Variants in PCDH9 observed in about 807,000 individuals in gnomAD.
The protein encoded by PCDH9 is protocadherin-9.
In PCDH9, 24 loss-of-function variants were observed where a neutral mutation model predicts 70.6. The observed-to-expected ratio is 0.34, with a 90% CI of 0.25 to 0.48. The LOEUF is 0.48. PCDH9 is among the 20% of genes least tolerant of loss of function. PCDH9 has a pLI of 0.99. For synonymous variants in PCDH9, 562 were observed against 558.5 expected, an observed-to-expected ratio of 1.01 and a Z score of -0.09; for missense variants, 1,281 against 1,503.6, an observed-to-expected ratio of 0.85 and a Z score of 2.45.
At chr13:66,512,009 C>G (rs530977324) in intron 4 of PCDH9, among the ~76,000 whole-genome samples, 122 of 152,124 alleles carry the variant, frequency 8.0e-4, no homozygotes, top group Non-Finnish European at 1.5e-3. Flanking sequence ...TTTAAAATCT[C>G]CATTTTGTAA....
intron 4 of PCDH9, among the ~76,000 whole-genome samples, chr13:66,609,288 A>C (rs1306228774): frequency 1.3e-5 from 2 of 152,196 alleles, no homozygotes; most frequent in Non-Finnish European, 2.9e-5. Context: ...AAATTGATTT[A>C]TGTATCAACA....
intron 4 of PCDH9, among the ~76,000 whole-genome samples, chr13:66,491,357 T>A (rs950603457): frequency 5.5e-5 from 7 of 127,350 alleles, no homozygotes; most frequent in Middle Eastern, 7.8e-3. Context: ...AAGGAAATGG[T>A]GTGTGTGTTG....
intron 2 of PCDH9, chr13:67,215,020 C>T (rs1401454971): frequency 7.5e-6 from 1 of 132,954 alleles, no homozygotes; most frequent in Non-Finnish European, 1.6e-5. Flanking sequence ...ATGATTACAC[C>T]CATTTTGCAG....
chr13:67,198,574 A>T (rs1184349205), intron 2 of PCDH9, among the ~76,000 whole-genome samples: 1 of 151,940 alleles, frequency 6.6e-6, no homozygotes, highest in Non-Finnish European at 1.5e-5. Flanking sequence ...CCAAATCATG[A>T]ATATGCTAAT....
At chr13:66,895,918 G>A (rs1318720388) in intron 3 of PCDH9, among the ~76,000 whole-genome samples, 1 of 152,176 alleles carries the variant, frequency 6.6e-6, no homozygotes, top group Non-Finnish European at 1.5e-5. Context: ...CATCACAGCT[G>A]TCAGGCTGAA....
intron 4 of PCDH9, among the ~76,000 whole-genome samples, chr13:66,474,071 C>T (rs923900559): frequency 2.6e-5 from 4 of 152,150 alleles, no homozygotes; most frequent in Non-Finnish European, 5.9e-5. Context: ...GAAATTGACT[C>T]TGACAACAAA....
intron 3 of PCDH9, among the ~76,000 whole-genome samples, chr13:66,901,561 A>G (rs952872920): frequency 2.0e-5 from 3 of 151,736 alleles, no homozygotes; most frequent in African/African-American, 7.2e-5. Context: ...TTCTTTGTTT[A>G]TAAATAAACT....
chr13:66,726,024 A>C (rs1388515611), intron 3 of PCDH9, among the ~76,000 whole-genome samples: 2 of 152,208 alleles, frequency 1.3e-5, no homozygotes, highest in African/African-American at 4.8e-5. Flanking sequence ...GTATACAATG[A>C]CAGGGAATAA....
intron 4 of PCDH9, among the ~76,000 whole-genome samples, chr13:66,476,776 C>A (rs992660784): frequency 6.6e-6 from 1 of 151,806 alleles, no homozygotes; most frequent in African/African-American, 2.4e-5. Flanking sequence ...GGAGTGTTAT[C>A]AGGAGACTAA....
chr13:66,652,403 C>G (rs891140105), intron 3 of PCDH9, among the ~76,000 whole-genome samples: 4 of 151,938 alleles, frequency 2.6e-5, no homozygotes, highest in Non-Finnish European at 4.4e-5. Flanking sequence ...AAATAACATA[C>G]TTAGGATTTA....
At chr13:66,866,001 A>G (rs769303054) in intron 3 of PCDH9, among the ~76,000 whole-genome samples, 3 of 152,204 alleles carry the variant, frequency 2.0e-5, no homozygotes, top group Non-Finnish European at 2.9e-5. Flanking sequence ...TTTCTATACA[A>G]GAACAAATTG....
chr13:67,122,701 G>A (rs184437310), intron 2 of PCDH9, among the ~76,000 whole-genome samples: 191 of 151,738 alleles, frequency 1.3e-3, no homozygotes, highest in Admixed American at 2.2e-3. Flanking sequence ...TTGAACTCGG[G>A]AGGCAGAGGT....
At chr13:66,343,544 C>T (rs564196304) in intron 4 of PCDH9, among the ~76,000 whole-genome samples, 1 of 152,324 alleles carries the variant, frequency 6.6e-6, no homozygotes, top group African/African-American at 2.4e-5. Context: ...CACTTCAAAC[C>T]AGCAACAACA....
chr13:66,437,739 G>T (rs1593978825), intron 4 of PCDH9, among the ~76,000 whole-genome samples: 1 of 152,198 alleles, frequency 6.6e-6, no homozygotes, highest in East Asian at 1.9e-4. Flanking sequence ...TGGCTTGGCA[G>T]TATCTGCTAA....
At chr13:66,776,448 A>C (rs544487825) in intron 3 of PCDH9, among the ~76,000 whole-genome samples, 20 of 151,238 alleles carry the variant, frequency 1.3e-4, no homozygotes, top group African/African-American at 3.4e-4. Flanking sequence ...ATACAAAATC[A>C]ATGTACAAAA....
intron 4 of PCDH9, among the ~76,000 whole-genome samples, chr13:66,602,063 T>C (rs1276633666): frequency 6.8e-6 from 1 of 146,336 alleles, no homozygotes; most frequent in Non-Finnish European, 1.5e-5. Flanking sequence ...TAGCTAAGGC[T>C]CTTTTAGGTA....
At chr13:66,526,655 G>C (rs954955859) in intron 4 of PCDH9, among the ~76,000 whole-genome samples, 4 of 151,964 alleles carry the variant, frequency 2.6e-5, no homozygotes, top group African/African-American at 9.7e-5. Flanking sequence ...CATTGGGAGT[G>C]AATATACAAG....
intron 2 of PCDH9, among the ~76,000 whole-genome samples, chr13:67,085,479 T>C (rs2086088463): frequency 6.6e-6 from 1 of 152,202 alleles, no homozygotes; most frequent in Non-Finnish European, 1.5e-5. Flanking sequence ...TGTTATAAAA[T>C]GAATTCATTT....
At chr13:66,436,069 T>G (rs2138387856) in intron 4 of PCDH9, among the ~76,000 whole-genome samples, 1 of 152,290 alleles carries the variant, frequency 6.6e-6, no homozygotes, top group South Asian at 2.1e-4. Flanking sequence ...TTTACTAGAC[T>G]TTCTTATTTT....
Sources: gnomAD v4.1 joint callset for allele counts (sites outside exome capture counted in the v4.1 genomes callset) on GRCh38, gnomAD v4.1.1 for gene constraint, MANE v1.5 for transcripts, NCBI Gene and HGNC (gene_info 2026-07-23, HGNC 2026-07-21) for gene names.